The following FRMD3 variants were observed in gnomAD, a reference collection of about 807,000 sequenced individuals.
The protein encoded by FRMD3 is FERM domain-containing protein 3.
Under a neutral mutation model 70.2 loss-of-function variants are expected in FRMD3, and 33 were observed. The ratio of observed to expected loss-of-function variants is 0.47; its 90% CI spans 0.36 to 0.63. The LOEUF (loss-of-function observed/expected upper bound fraction) is 0.63. Ranked by LOEUF, FRMD3 falls within the 20% of genes least tolerant of loss-of-function variation. The pLI, the probability that FRMD3 is intolerant of heterozygous loss-of-function variation, is 0.00. For missense variants in FRMD3, 632 were observed against 711.4 expected, an observed-to-expected ratio of 0.89 and a Z score of 1.27; for synonymous variants, 279 against 255.9, an observed-to-expected ratio of 1.09 and a Z score of -0.86.
the FRMD3 span, among the ~76,000 whole-genome samples, chr9:83,579,724 C>T: frequency 1.3e-5 from 2 of 152,078 alleles, no homozygotes; most frequent in East Asian, 1.9e-4. Flanking sequence ...TTAGCCTGGG[C>T]GCAATGGTTT....
intron 3 of FRMD3, among the ~76,000 whole-genome samples, chr9:83,362,819 C>G (rs73463664): frequency 0.21 from 20,473 of 95,392 alleles, 2,513 homozygotes; most frequent in African/African-American, 0.36. Flanking sequence ...TCCTTCCCTC[C>G]CTCCTTCCTT....
chr9:83,488,972 T>TTGTGTGTGTGTGTGTGTGTGTG (rs4014025), intron 1 of FRMD3, among the ~76,000 whole-genome samples: 57 of 135,632 alleles, frequency 4.2e-4, no homozygotes, highest in Admixed American at 9.8e-4. Flanking sequence ...CCCTATACCT[T>TTGTGTGTGTGTGTGTGTGTGTG]TGTGTGTGTG....
chr9:83,243,398 A>C (rs1356744461), downstream of FRMD3, among the ~76,000 whole-genome samples: 1 of 152,186 alleles, frequency 6.6e-6, no homozygotes, highest in African/African-American at 2.4e-5. Context: ...GACTCTCCCC[A>C]GTACTTTTTC....
At chr9:83,583,048 T>C in the FRMD3 span, among the ~76,000 whole-genome samples, 46 of 152,216 alleles carry the variant, frequency 3.0e-4, no homozygotes, top group Non-Finnish European at 5.6e-4. Flanking sequence ...ATTTAAGATC[T>C]TCACCAACCA....
At chr9:83,262,697 CCT>C (rs1159338955) in intron 13 of FRMD3, among the ~76,000 whole-genome samples, 2 of 152,180 alleles carry the variant, frequency 1.3e-5, no homozygotes, top group Non-Finnish European at 2.9e-5. Flanking sequence ...CTATGTCATG[CCT>C]CTGTGTCTTT....
intron 1 of FRMD3, among the ~76,000 whole-genome samples, chr9:83,392,584 C>A (rs185029709): frequency 2.0e-4 from 30 of 152,216 alleles, no homozygotes; most frequent in Admixed American, 1.1e-3. Flanking sequence ...TCCTTCCCTG[C>A]GGCCTAAACC....
rs7873016 is a variant in FRMD3 at position 83,464,781 on chromosome 9, C to T, written c.147+73304G>A. On this transcript the variant is annotated intron_variant, in intron 1 of 13. Coordinates refer to ENST00000304195, the MANE Select transcript of FRMD3 (RefSeq NM_174938.6). Reference sequence around the variant, plus strand: ...CACATGTAATCCCAGCACTTTGGGACGCCAAGGTGGGCGGACCACTTGAGG... The same window carrying T: ...CACATGTAATCCCAGCACTTTGGGATGCCAAGGTGGGCGGACCACTTGAGG... 2.1e-3 allele frequency among the ~76,000 whole-genome samples: 323 copies of T among 151,960 alleles called. 3 individuals are homozygous for T. Among genetic ancestry groups the T allele is most frequent in the African/African-American group, 7.3e-3 (304 of 41,452 alleles).
chr9:83,562,896 C>G, the FRMD3 span, among the ~76,000 whole-genome samples: 454 of 151,840 alleles, frequency 3.0e-3, 2 homozygotes, highest in Non-Finnish European at 4.5e-3. Context: ...CCAATGCCCC[C>G]CCCCCAGCAC....
chr9:83,540,529 T>C (rs1829988535), upstream of FRMD3, among the ~76,000 whole-genome samples: 1 of 152,196 alleles, frequency 6.6e-6, no homozygotes, highest in Admixed American at 6.5e-5. Flanking sequence ...ATTCAACTAG[T>C]ATGAAAATAC....
chr9:83,353,145 C>T (rs534603471), intron 3 of FRMD3, among the ~76,000 whole-genome samples: 2 of 151,972 alleles, frequency 1.3e-5, no homozygotes, highest in East Asian at 3.9e-4. Context: ...CCCATGTCAC[C>T]AATAAAAGAA....
At chr9:83,305,113 T>C (rs1835077087) in intron 10 of FRMD3, among the ~76,000 whole-genome samples, 1 of 152,170 alleles carries the variant, frequency 6.6e-6, no homozygotes, top group Admixed American at 6.5e-5. Flanking sequence ...GAAACAAGAT[T>C]AGGGCCTTGC....
rs1184743584 is a variant in FRMD3, at chr9:83,311,982, A to G, written c.685-7T>C. On this transcript the variant is annotated splice_polypyrimidine_tract_variant and splice_region_variant and intron_variant, in intron 7 of 13. Coordinates refer to ENST00000304195, the MANE Select transcript of FRMD3 (RefSeq NM_174938.6). ...TTGTTGTGCCTGTTGAATCCTGAAA[A>G]AAAAAAAAAAGAAAAAAGAAAAATC... The G allele has an allele frequency of 2.6e-6, 4 of 1,568,122 alleles. No individual in the cohort carries two copies. The highest frequency in any genetic ancestry group is 2.0e-5 in the Admixed American group (1 of 49,442).
intron 1 of FRMD3, among the ~76,000 whole-genome samples, chr9:83,526,934 C>T (rs1172053230): frequency 3.4e-5 from 5 of 148,942 alleles, no homozygotes; most frequent in South Asian, 2.1e-4. Flanking sequence ...CCTGCACCTT[C>T]GGGGAGAATC....
chr9:83,479,735 G>GA (rs1828511781), intron 1 of FRMD3, among the ~76,000 whole-genome samples: 1 of 43,282 alleles, frequency 2.3e-5, no homozygotes, highest in South Asian at 8.1e-4. Context: ...GAAAGGGAAA[G>GA]AAAGAAAAAG....
intron 13 of FRMD3, among the ~76,000 whole-genome samples, chr9:83,273,967 G>A (rs1014880192): frequency 1.3e-5 from 2 of 151,958 alleles, no homozygotes; most frequent in African/African-American, 2.4e-5. Context: ...GTAAGTACAC[G>A]CCATCAAATT....
intron 1 of FRMD3, among the ~76,000 whole-genome samples, chr9:83,409,044 T>C (rs1249223347): frequency 1.3e-5 from 2 of 152,106 alleles, no homozygotes; most frequent in African/African-American, 4.8e-5. Flanking sequence ...CACCTCTCTA[T>C]TGCCCCCAAA....
chr9:83,485,706 A>G (rs1828672378), intron 1 of FRMD3, among the ~76,000 whole-genome samples: 1 of 152,314 alleles, frequency 6.6e-6, no homozygotes, highest in African/African-American at 2.4e-5. Flanking sequence ...CAAAGAAGGA[A>G]CAGGTTAGTA....
At chr9:83,248,577 A>C (rs547045479) in intron 13 of FRMD3, 61 bp from the exon 14 acceptor site, 2 of 1,495,860 alleles carry the variant, frequency 1.3e-6, no homozygotes, top group Non-Finnish European at 1.8e-6. Context: ...AAAAATCTGC[A>C]GGAAGAAACA....
Position 83,248,406 on chromosome 9 carries a change from T to C in FRMD3, c.1306A>G (p.Lys436Glu), listed in dbSNP as rs750341298. 2 of 1,614,196 alleles carry C rather than the reference T, an allele frequency of 1.2e-6. No homozygotes were observed. Among genetic ancestry groups the C allele is most frequent in the Non-Finnish European group, 1.7e-6 (2 of 1,180,044 alleles). The change falls in exon 14 of 14, where the codon AAA becomes GAA. Residue 436 changes from lysine (K) to glutamate (E), a missense_variant. Physicochemically the swap from Lys to Glu is moderately conservative, Grantham distance 56 (BLOSUM62 1). Transcript: ENST00000304195. ...DPPSEEEDKI[K>E]EEPLTISELV... ...TCAGAGATGGTTAAAGGTTCTTCTT[T>C]TATTTTATCTTCCTCTTCACTAGGG... is the stretch of plus-strand genomic sequence containing the variant.
Sources: gnomAD v4.1 joint callset for allele counts (sites outside exome capture counted in the v4.1 genomes callset) on GRCh38, gnomAD v4.1.1 for gene constraint, MANE v1.5 for transcripts, NCBI Gene and HGNC (gene_info 2026-07-23, HGNC 2026-07-21) for gene names.